The following ADAM15 variants were observed in gnomAD, a reference collection of about 807,000 sequenced individuals.
ADAM15 encodes the protein disintegrin and metalloproteinase domain-containing protein 15.
ADAM15 carries 77 observed loss-of-function variants against 113.8 expected under a neutral mutation model. The observed-to-expected ratio is 0.68, with a 90% CI of 0.56 to 0.82. ADAM15 has a LOEUF of 0.82. ADAM15 is among the 40% of genes least tolerant of loss of function. The pLI is 0.00. For synonymous variants in ADAM15, 388 were observed against 454.1 expected, an observed-to-expected ratio of 0.85 and a Z score of 1.85; for missense variants, 963 against 1,120.1, an observed-to-expected ratio of 0.86 and a Z score of 2.00.
chr1:155,059,051 TCA>T (rs1034691491), intron 16 of ADAM15, among the ~76,000 whole-genome samples: 21 of 152,226 alleles, frequency 1.4e-4, no homozygotes, highest in African/African-American at 3.6e-4. Flanking sequence ...ATGCCTATAA[TCA>T]CAGTTTTTTT....
Position 155,058,471 on chromosome 1 carries a change from G to A in ADAM15, c.1917+30G>A, listed in dbSNP as rs1319296162. The A allele has an allele frequency of 6.2e-7, 1 of 1,605,682 alleles. No homozygotes were observed. On this transcript the variant is annotated intron_variant, in intron 15 of 22. Coordinates refer to ENST00000356955, the MANE Select transcript of ADAM15 (RefSeq NM_207197.3). The surrounding 1 kb of genome is among the most constrained non-coding windows in gnomAD (Gnocchi z 4.3). ...GCAGCCTGGGTGGGCAAGACCAGGT[G>A]TGAGAAGGGACATTTGGACCACAAT...
In ADAM15 at chr1:155,054,190, G is replaced by C; in HGVS notation, c.383G>C (p.Gly128Ala). ...CYQGRVRGYA[G>A]SWVSICTCSG... ...CAGGGAAGAGTGCGGGGATATGCAGGCTCCTGGGTGTCCATCTGCACCTGC... is the reference window on the plus strand; with the variant it reads ...CAGGGAAGAGTGCGGGGATATGCAGCCTCCTGGGTGTCCATCTGCACCTGC... The change falls in exon 5 of 23, where the codon GGC (glycine) becomes GCC (alanine). Residue 128 changes from glycine to alanine, a missense_variant. By Grantham distance (60) the Gly-to-Ala change is moderately conservative. Transcript: ENST00000356955. 1 of 1,609,592 alleles carries C rather than the reference G, an allele frequency of 6.2e-7. No individual in the cohort carries two copies. Among genetic ancestry groups the C allele is most frequent in the South Asian group, 1.1e-5 (1 of 90,560 alleles).
At chr1:155,051,574 C>A in intron 1 of ADAM15, 109 bp downstream of exon 1, 2 of 1,104,382 alleles carry the variant, frequency 1.8e-6, no homozygotes, top group South Asian at 1.8e-5. Flanking sequence ...GAGAGCCCAG[C>A]CAGAGCGCGG....
intron 1 of ADAM15, chr1:155,052,204 T>G (rs2102379994): frequency 1.5e-5 from 5 of 336,178 alleles, no homozygotes; most frequent in Non-Finnish European, 1.7e-5. Context: ...ATGAGGGTGT[T>G]TAGGGAGGTG....
chr1:155,059,857 G>T (rs758659718), intron 16 of ADAM15, 45 bp from the exon 17 acceptor site: 6 of 1,586,242 alleles, frequency 3.8e-6, no homozygotes, highest in Non-Finnish European at 5.2e-6. Flanking sequence ...CAAGGAAATA[G>T]TTCCAGAGTG....
rs1426948487 is a variant in ADAM15 at position 155,059,925 on chromosome 1, C to G, written c.2019C>G (p.Cys673Trp). 1 of 1,614,124 alleles carries G rather than the reference C, an allele frequency of 6.2e-7. No homozygotes were observed. Among genetic ancestry groups the G allele is most frequent in the South Asian group, 1.1e-5 (1 of 91,084 alleles). ...GHGVCDSNRH[C>W]YCEEGWAPPD... Reference sequence around the variant, plus strand: ...AGGTCTGTGACAGCAACAGGCACTGCTACTGTGAGGAGGGCTGGGCACCCC... The same window carrying G: ...AGGTCTGTGACAGCAACAGGCACTGGTACTGTGAGGAGGGCTGGGCACCCC... The change falls in exon 17 of 23, where the codon TGC (cysteine) becomes TGG (tryptophan). Residue 673 changes from cysteine to tryptophan, a missense_variant. Physicochemically the swap from Cys to Trp is radical, Grantham distance 215. Transcript: ENST00000356955.
At chr1:155,061,125 G>C in intron 19 of ADAM15, 2 of 579,738 alleles carry the variant, frequency 3.4e-6, no homozygotes, top group Admixed American at 3.0e-5. Flanking sequence ...AGTGACCCCA[G>C]GAGGGCACAA....
In ADAM15 at chr1:155,057,506, A is replaced by G; in HGVS notation, c.1324-131A>G. 4 of 1,483,362 alleles carry G rather than the reference A, an allele frequency of 2.7e-6. No homozygotes were observed. In the East Asian group the frequency reaches 6.8e-5, roughly 25 times the overall value. 91.9% of individuals were successfully genotyped at this position (1,483,362 alleles called of 1,614,324 possible). ...CTTGCCCTGTCTGTGGGGACAGCAC[A>G]TGGGTTGTTGGGCTCTAGCCCTCGC... On this transcript the variant is annotated intron_variant, in intron 12 of 22. Coordinates refer to ENST00000356955, the MANE Select transcript of ADAM15 (RefSeq NM_207197.3). This position sits in a 1 kb window ranked among gnomAD's most constrained non-coding sequence, Gnocchi z 5.0.
intron 2 of ADAM15, 101 bp from the exon 3 acceptor site, chr1:155,053,316 C>G: frequency 9.5e-7 from 1 of 1,055,614 alleles, no homozygotes. Flanking sequence ...CACCAGTGAT[C>G]TAATTGCTGG....
Position 155,062,211 on chromosome 1 carries a change from CA to C in ADAM15, c.2425-33del, listed in dbSNP as rs771183441. 1 of 1,446,640 alleles carries C rather than the reference CA, an allele frequency of 6.9e-7. No individual in the cohort carries two copies. Among genetic ancestry groups the C allele is most frequent in the South Asian group, 1.5e-5 (1 of 68,158 alleles). 89.6% of individuals were successfully genotyped at this position (1,446,640 alleles called of 1,614,324 possible). A position where few individuals can be genotyped will look rare whatever the true frequency, so the allele number is the denominator to read the frequency against. ...GGGGGTGGGCAACATGACACCCCCC[CA>C]CCTAAGCCGGCCTCCTGCCTTCTCT... On this transcript the variant is annotated intron_variant, in intron 21 of 22. Coordinates refer to ENST00000356955, the MANE Select transcript of ADAM15 (RefSeq NM_207197.3). This position sits in a 1 kb window ranked among gnomAD's most constrained non-coding sequence, Gnocchi z 7.0.
chr1:155,059,882 G>C lies in ADAM15; in HGVS notation c.1996-20G>C. 1 of 1,612,706 alleles carries C rather than the reference G, an allele frequency of 6.2e-7. No homozygotes were observed. Among genetic ancestry groups the C allele is most frequent in the Non-Finnish European group, 8.5e-7 (1 of 1,179,140 alleles). On this transcript the variant is annotated intron_variant, in intron 16 of 22. Transcript: ENST00000356955. Reference sequence around the variant, plus strand: ...GTTCCAGAGTGCAGAGCTCCTCATTGCTCGCCTTGTACCTCCTAGGTCTGT... The same window carrying C: ...GTTCCAGAGTGCAGAGCTCCTCATTCCTCGCCTTGTACCTCCTAGGTCTGT...
Position 155,061,422 on chromosome 1 carries a change from G to C in ADAM15, c.2285G>C (p.Ser762Thr). Residue 762 changes from serine (S) to threonine (T), a missense_variant, in exon 20 of 23, where the codon AGT becomes ACT. Physicochemically the swap from Ser to Thr is moderately conservative, Grantham distance 58. Coordinates refer to ENST00000356955, the MANE Select transcript of ADAM15 (RefSeq NM_207197.3). ...CCCCTCCTGCCCTCTCAGCAGGCTA[G>C]TGCTCTCAGCTTCCCGGCCCCCCCT... Reference protein sequence around the residue: ...ALLARGTKQASALSFPAPPSR... With the variant: ...ALLARGTKQATALSFPAPPSR... 6.2e-7 allele frequency: 1 copy of C among 1,613,564 alleles called. No individual in the cohort carries two copies. Among genetic ancestry groups the C allele is most frequent in the Non-Finnish European group, 8.5e-7 (1 of 1,179,796 alleles).
chr1:155,059,890 T>G lies in ADAM15; in HGVS notation c.1996-12T>G. Reference sequence around the variant, plus strand: ...GTGCAGAGCTCCTCATTGCTCGCCTTGTACCTCCTAGGTCTGTGACAGCAA... The same window carrying G: ...GTGCAGAGCTCCTCATTGCTCGCCTGGTACCTCCTAGGTCTGTGACAGCAA... On this transcript the variant is annotated splice_polypyrimidine_tract_variant and intron_variant, in intron 16 of 22. Coordinates refer to ENST00000356955, the MANE Select transcript of ADAM15 (RefSeq NM_207197.3). 2 of 1,613,550 alleles carry G rather than the reference T, an allele frequency of 1.2e-6. No homozygotes were observed. The highest frequency in any genetic ancestry group is 1.7e-6 in the Non-Finnish European group (2 of 1,179,662).
intron 20 of ADAM15, 187 bp from the exon 21 acceptor site, chr1:155,061,717 C>CAGTCGGCCA: frequency 1.3e-6 from 1 of 792,984 alleles, no homozygotes; most frequent in Non-Finnish European, 2.0e-6. Flanking sequence ...CCAGGGACTG[C>CAGTCGGCCA]GGTTGACCTA....
At chr1:155,060,479 C>A in intron 18 of ADAM15, 136 bp downstream of exon 18, 2 of 1,255,580 alleles carry the variant, frequency 1.6e-6, no homozygotes, top group East Asian at 2.5e-5. Context: ...TGCCATACCC[C>A]ACACCTCCCT....
Position 155,058,627 on chromosome 1 carries a change from G to A in ADAM15, c.1918-83G>A. 1.3e-6 allele frequency: 2 copies of A among 1,563,954 alleles called. No individual in the cohort carries two copies. Among genetic ancestry groups the A allele is most frequent in the South Asian group, 2.4e-5 (2 of 85,094 alleles). On this transcript the variant is annotated intron_variant, in intron 15 of 22. Transcript: ENST00000356955. The surrounding 1 kb of genome is among the most constrained non-coding windows in gnomAD (Gnocchi z 4.3). Reference sequence around the variant, plus strand: ...TTGGTTTCCCCATCTGTAAACGCAGGGTATGGCCTCAACCTTATTGGCCTC... The same window carrying A: ...TTGGTTTCCCCATCTGTAAACGCAGAGTATGGCCTCAACCTTATTGGCCTC...
At chr1:155,054,261 T>G in intron 5 of ADAM15, 35 bp downstream of exon 5, 1 of 1,585,022 alleles carries the variant, frequency 6.3e-7, no homozygotes, top group Non-Finnish European at 8.6e-7. Context: ...GTAGAGAAAG[T>G]AAGGAGACCC....
rs1661981581 is a variant in ADAM15, at chr1:155,057,743, A to G, written c.1416+14A>G. On this transcript the variant is annotated intron_variant, in intron 13 of 22. Coordinates refer to ENST00000356955, the MANE Select transcript of ADAM15 (RefSeq NM_207197.3). The surrounding 1 kb of genome is among the most constrained non-coding windows in gnomAD (Gnocchi z 5.0). Reference sequence around the variant, plus strand: ...CAAAATTGCCAGGTGGGTAGAGACTAGACTGGCCACCCGGAGCTCACCTGC... The same window carrying G: ...CAAAATTGCCAGGTGGGTAGAGACTGGACTGGCCACCCGGAGCTCACCTGC... 6.2e-7 allele frequency: 1 copy of G among 1,614,140 alleles called. No homozygotes were observed. Among genetic ancestry groups the G allele is most frequent in the East Asian group, 2.2e-5 (1 of 44,890 alleles).
At position 155,057,645 on chromosome 1, in the gene ADAM15, C is replaced by T. The variant is rs755253819; in HGVS notation, c.1332C>T (p.Val444=). 59 of 1,614,068 alleles carry T rather than the reference C, an allele frequency of 3.7e-5. 1 individual carries two copies. In the Admixed American group the frequency reaches 8.3e-4, roughly 23 times the overall value. Residue 444 remains valine, a synonymous_variant, in exon 13 of 23, where the codon GTC becomes GTT. Coordinates refer to ENST00000356955, the MANE Select transcript of ADAM15 (RefSeq NM_207197.3). The surrounding 1 kb of genome is among the most constrained non-coding windows in gnomAD (Gnocchi z 5.0). ...CGTGCTCCTGCCCACAGGACTGCGT[C>T]GATCCCTGCTGTGATTCTTTGACCT... is the stretch of plus-strand genomic sequence containing the variant. ...QCDCGFLDDC[V]DPCCDSLTCQ... is the part of the protein sequence containing the mutation.
Sources: gnomAD v4.1 joint callset for allele counts (sites outside exome capture counted in the v4.1 genomes callset) on GRCh38, gnomAD v4.1.1 for gene constraint, Gnocchi (gnomAD v3.1) non-coding constraint, MANE v1.5 for transcripts, NCBI Gene and HGNC (gene_info 2026-07-23, HGNC 2026-07-21) for gene names.